CFAP54: variants seen among roughly 807,000 people sequenced by gnomAD.
The protein encoded by CFAP54 is cilia and flagella associated protein 54, also known as cilia- and flagella-associated protein 54.
Under a neutral mutation model 370.4 loss-of-function variants are expected in CFAP54, and 290 were observed. The ratio of observed to expected loss-of-function variants is 0.78; its 90% CI spans 0.71 to 0.86. The LOEUF is 0.86. Among genes scored for constraint, CFAP54 ranks in the 40% least tolerant of loss-of-function variants. The pLI, the probability that CFAP54 is intolerant of heterozygous loss-of-function variation, is 0.00. For synonymous variants in CFAP54, 1,206 were observed against 1,236.5 expected (o/e 0.98, Z 0.52); for missense variants, 3,399 against 3,528.7 (o/e 0.96, Z 0.93).
chr12:96,747,772 C>T (rs1432031704), intron 55 of CFAP54, among the ~76,000 whole-genome samples: 1 of 152,052 alleles, frequency 6.6e-6, no homozygotes, highest in Non-Finnish European at 1.5e-5. Context: ...TGGAGGTAGG[C>T]TATTTTCCCT....
At chr12:96,733,925 A>G (rs1054948887) in intron 50 of CFAP54, among the ~76,000 whole-genome samples, 5 of 152,204 alleles carry the variant, frequency 3.3e-5, no homozygotes, top group Non-Finnish European at 7.3e-5. Flanking sequence ...GTTTTCTATC[A>G]GCCATGCTGA....
intron 4 of CFAP54, among the ~76,000 whole-genome samples, chr12:96,510,974 A>G (rs979995863): frequency 2.0e-5 from 3 of 151,822 alleles, no homozygotes; most frequent in Non-Finnish European, 4.4e-5. Flanking sequence ...AAAAAAAAAA[A>G]AAAAAAAGAA....
intron 60 of CFAP54, among the ~76,000 whole-genome samples, chr12:96,774,590 CTT>C (rs1306525278): frequency 1.3e-5 from 2 of 152,194 alleles, no homozygotes; most frequent in East Asian, 1.9e-4. Flanking sequence ...ATTACTCTCT[CTT>C]GTGGCTTTTT....
chr12:96,855,897 A>C (rs1959692132), intron 66 of CFAP54, among the ~76,000 whole-genome samples: 2 of 152,166 alleles, frequency 1.3e-5, no homozygotes, highest in Non-Finnish European at 2.9e-5. Flanking sequence ...TCTTTTCTGT[A>C]CTGCCCTAGC....
At chr12:96,828,098 A>G (rs1959148751) in intron 65 of CFAP54, among the ~76,000 whole-genome samples, 1 of 138,042 alleles carries the variant, frequency 7.2e-6, no homozygotes, top group Admixed American at 8.4e-5. Flanking sequence ...TTATCAGAAA[A>G]GCAAATTTTT....
intron 66 of CFAP54, among the ~76,000 whole-genome samples, chr12:96,857,178 A>G (rs966632444): frequency 6.6e-6 from 1 of 152,186 alleles, no homozygotes; most frequent in Admixed American, 6.5e-5. Flanking sequence ...CCCTCCCGTG[A>G]CACATGGGGA....
intron 60 of CFAP54, among the ~76,000 whole-genome samples, chr12:96,783,292 G>A (rs1958597706): frequency 6.6e-6 from 1 of 152,188 alleles, no homozygotes; most frequent in Non-Finnish European, 1.5e-5. Context: ...TACTCCCAAA[G>A]TACTGGGAAT....
At chr12:96,789,412 C>T (rs1017962616) in intron 62 of CFAP54, among the ~76,000 whole-genome samples, 1 of 152,170 alleles carries the variant, frequency 6.6e-6, no homozygotes, top group Non-Finnish European at 1.5e-5. Flanking sequence ...CAGATTCACC[C>T]CTCCTGGGAA....
chr12:96,655,738 C>A (rs573117937), intron 36 of CFAP54, among the ~76,000 whole-genome samples: 1 of 151,790 alleles, frequency 6.6e-6, no homozygotes, highest in South Asian at 2.1e-4. Flanking sequence ...GAGACATAAC[C>A]AATTACAATG....
Position 96,540,839 on chromosome 12 carries a change from G to T in CFAP54, c.1929G>T (p.Trp643Cys). 2 of 1,441,002 alleles carry T rather than the reference G, an allele frequency of 1.4e-6. No homozygotes were observed. Among genetic ancestry groups the T allele is most frequent in the Non-Finnish European group, 1.8e-6 (2 of 1,103,362 alleles). The allele number at this position is 1,441,002 out of a possible 1,614,324, so 89.3% of individuals were successfully genotyped here. The change falls in exon 14 of 68, where the codon TGG (tryptophan) becomes TGT (cysteine). Residue 643 changes from tryptophan to cysteine, a missense_variant and splice_region_variant. Trp to Cys is a radical substitution (Grantham distance 215, BLOSUM62 -2). Transcript: ENST00000524981. ...KFTQKISTNKWIYLLWQINEV... is the reference protein window; with the variant it reads ...KFTQKISTNKCIYLLWQINEV... ...TGCTGTGTATTTTCTCTTTTTAGTG[G>T]ATTTATCTTCTGTGGCAGATAAATG...
intron 36 of CFAP54, 53 bp from the exon 37 acceptor site, chr12:96,657,829 T>C: frequency 8.1e-7 from 1 of 1,227,396 alleles, no homozygotes; most frequent in South Asian, 1.4e-5. Flanking sequence ...TCAGAAAAAA[T>C]ATGCAGTAAA....
intron 22 of CFAP54, among the ~76,000 whole-genome samples, chr12:96,581,749 C>T (rs977535340): frequency 6.6e-6 from 1 of 151,682 alleles, no homozygotes; most frequent in South Asian, 2.1e-4. Flanking sequence ...TCATAGTATA[C>T]ATATTATTTT....
intron 20 of CFAP54, among the ~76,000 whole-genome samples, chr12:96,579,752 A>G (rs1353181302): frequency 4.6e-5 from 7 of 152,106 alleles, no homozygotes; most frequent in African/African-American, 1.4e-4. Flanking sequence ...AGTTCATTCC[A>G]ATAATGAATC....
At chr12:96,811,669 G>T in intron 63 of CFAP54, 67 bp from the exon 64 acceptor site, 1 of 796,172 alleles carries the variant, frequency 1.3e-6, no homozygotes, top group Non-Finnish European at 1.9e-6. Flanking sequence ...GTGAACTAAT[G>T]CTGTAGTTTT....
intron 64 of CFAP54, among the ~76,000 whole-genome samples, chr12:96,816,155 G>A (rs2136733625): frequency 6.6e-6 from 1 of 152,288 alleles, no homozygotes; most frequent in East Asian, 1.9e-4. Context: ...ACTTTGGGCA[G>A]TATGGCCATT....
At chr12:96,797,746 T>C (rs796895910) in intron 63 of CFAP54, among the ~76,000 whole-genome samples, 8 of 152,206 alleles carry the variant, frequency 5.3e-5, no homozygotes, top group African/African-American at 1.9e-4. Flanking sequence ...CCCTTCCATG[T>C]ACCTGTGTTT....
intron 1 of CFAP54, among the ~76,000 whole-genome samples, chr12:96,498,278 A>G (rs1397073493): frequency 6.6e-6 from 1 of 152,256 alleles, no homozygotes; most frequent in African/African-American, 2.4e-5. Context: ...CACATGCCAA[A>G]AAATGAATCT....
chr12:96,703,951 G>A (rs985516164), intron 46 of CFAP54, among the ~76,000 whole-genome samples: 2 of 152,118 alleles, frequency 1.3e-5, no homozygotes, highest in Admixed American at 6.5e-5. Flanking sequence ...AGGGCTGAAT[G>A]ATGGGATAAT....
intron 60 of CFAP54, among the ~76,000 whole-genome samples, chr12:96,771,285 C>T (rs1019810398): frequency 6.6e-6 from 1 of 152,174 alleles, no homozygotes; most frequent in Non-Finnish European, 1.5e-5. Context: ...GGCTTGTCCA[C>T]AAACTGGGGA....
Sources: allele counts gnomAD v4.1 joint callset (sites outside exome capture counted in the v4.1 genomes callset), GRCh38; gene constraint gnomAD v4.1.1; transcripts MANE v1.5; gene names NCBI Gene and HGNC (gene_info 2026-07-23, HGNC 2026-07-21).